The following UNC79 variants were observed in gnomAD, a reference collection of about 807,000 sequenced individuals.
UNC79 encodes the protein protein unc-79 homolog.
UNC79 carries 37 observed loss-of-function variants against 283.1 expected under a neutral mutation model. The observed-to-expected ratio is 0.13, with a 90% CI of 0.10 to 0.17. The LOEUF is 0.17. UNC79 is among the 10% of genes least tolerant of loss of function. The pLI, the probability that UNC79 is intolerant of heterozygous loss-of-function variation, is 1.00. For synonymous variants in UNC79, 1,107 were observed against 1,200.2 expected, an observed-to-expected ratio of 0.92 and a Z score of 1.61; for missense variants, 2,272 against 3,211.1, an observed-to-expected ratio of 0.71 and a Z score of 7.07.
intron 1 of UNC79, among the ~76,000 whole-genome samples, chr14:93,422,680 G>T (rs2055625688): frequency 6.6e-6 from 1 of 152,066 alleles, no homozygotes; most frequent in Admixed American, 6.6e-5. Flanking sequence ...AACATGAATG[G>T]ATAAGTAAAT....
intron 35 of UNC79, among the ~76,000 whole-genome samples, chr14:93,651,731 T>C (rs1192569311): frequency 6.6e-6 from 1 of 151,936 alleles, no homozygotes; most frequent in Non-Finnish European, 1.5e-5. Context: ...CTGATCTTTA[T>C]GCCTTTTGTT....
chr14:93,583,702 CA>C (rs1264128728), intron 20 of UNC79, among the ~76,000 whole-genome samples: 3 of 152,034 alleles, frequency 2.0e-5, no homozygotes, highest in Non-Finnish European at 4.4e-5. Flanking sequence ...TCAATTGGGG[CA>C]ACCCCTGGGG....
At chr14:93,640,733 A>G (rs778754667) in intron 32 of UNC79, among the ~76,000 whole-genome samples, 24 of 152,226 alleles carry the variant, frequency 1.6e-4, no homozygotes, top group Non-Finnish European at 2.8e-4. Flanking sequence ...CAAAACTGTA[A>G]TGTTGATATG....
intron 42 of UNC79, among the ~76,000 whole-genome samples, chr14:93,683,857 A>AAC (rs546504550): frequency 0.012 from 1,816 of 151,914 alleles, 34 homozygotes; most frequent in African/African-American, 0.042. Flanking sequence ...AAAAAAAAAA[A>AAC]ACACACACTT....
chr14:93,588,019 T>C (rs984603754), intron 22 of UNC79, among the ~76,000 whole-genome samples: 54 of 152,120 alleles, frequency 3.5e-4, no homozygotes, highest in African/African-American at 1.3e-3. Context: ...GATAGCAGAG[T>C]TGGAAAGAAG....
At chr14:93,448,585 G>T (rs1254936270) in intron 1 of UNC79, among the ~76,000 whole-genome samples, 1 of 152,128 alleles carries the variant, frequency 6.6e-6, no homozygotes, top group Admixed American at 6.6e-5. Flanking sequence ...ATTTTGAGTT[G>T]TATCCTGGAT....
intron 4 of UNC79, among the ~76,000 whole-genome samples, chr14:93,479,108 G>T (rs2057965835): frequency 6.6e-6 from 1 of 152,002 alleles, no homozygotes; most frequent in African/African-American, 2.4e-5. Context: ...TAAAATAAGT[G>T]ATGTTAACTG....
intron 1 of UNC79, among the ~76,000 whole-genome samples, chr14:93,340,464 A>G (rs1335567761): frequency 7.8e-6 from 1 of 128,960 alleles, no homozygotes; most frequent in Non-Finnish European, 1.7e-5. Context: ...AAAAAAAAAA[A>G]GAAGGCCACC....
chr14:93,609,322 G>A (rs527571272), intron 26 of UNC79, among the ~76,000 whole-genome samples: 27 of 152,262 alleles, frequency 1.8e-4, no homozygotes, highest in East Asian at 5.8e-4. Context: ...TTGTAAGAAC[G>A]TTGACCATTT....
intron 7 of UNC79, among the ~76,000 whole-genome samples, chr14:93,519,061 CA>C (rs1199856291): frequency 2.6e-5 from 4 of 151,818 alleles, no homozygotes; most frequent in African/African-American, 9.7e-5. Flanking sequence ...AGAGTGTTTT[CA>C]AGTCTTATAT....
intron 48 of UNC79, 99 bp from the exon 52 acceptor site, chr14:93,706,605 C>T (rs1297743303): frequency 7.2e-7 from 1 of 1,390,198 alleles, no homozygotes. Flanking sequence ...AACCCTTGAG[C>T]CAAGCCTAAA....
rs151216435 is a variant in UNC79 at position 93,673,322 on chromosome 14, C to G, written c.6637-29C>G. 2.7e-4 allele frequency: 431 copies of G among 1,593,308 alleles called. 6 individuals carry two copies. In the East Asian group the frequency reaches 5.4e-3, roughly 20 times the overall value. ...TACTCTAATTGAATTTCTAAAATCA[C>G]TTACCTCCTTCTGTTTTGTTTTCTT... On this transcript the variant is annotated intron_variant, in intron 40 of 48. Coordinates refer to ENST00000555664, the Ensembl canonical transcript of UNC79.
intron 41 of UNC79, among the ~76,000 whole-genome samples, chr14:93,677,055 C>T (rs79677779): frequency 0.017 from 2,646 of 152,092 alleles, 76 homozygotes; most frequent in African/African-American, 0.061. Context: ...AAATGTTGAG[C>T]GTGGTTTGTT....
At chr14:93,396,458 G>A (rs955882783) in intron 1 of UNC79, among the ~76,000 whole-genome samples, 5 of 151,748 alleles carry the variant, frequency 3.3e-5, no homozygotes, top group Non-Finnish European at 5.9e-5. Context: ...TTTTCCTTAC[G>A]TATGGCCCAT....
rs1396725093 is a variant in UNC79 at position 93,362,357 on chromosome 14, GT to G, written c.-351+28843del. Among the ~76,000 whole-genome samples the G allele has an allele frequency of 3.3e-5, 5 of 151,002 alleles. No individual in the cohort carries two copies. The South Asian group carries it at 8.4e-4, about 25-fold the overall frequency. ...GGTAGGTTTTTTATTACTGATTAAGGTTTTTTTTTGAAACAGAGTCTCATTC... is the reference window on the plus strand; with the variant it reads ...GGTAGGTTTTTTATTACTGATTAAGGTTTTTTTTGAAACAGAGTCTCATTC... On this transcript the variant is annotated intron_variant, in intron 1 of 49. Transcript: ENST00000256339.
chr14:93,476,422 G>A lies in UNC79; in HGVS notation c.449-1136G>A, dbSNP rs55688809. Among the ~76,000 whole-genome samples the A allele has an allele frequency of 3.0e-3, 454 of 152,270 alleles. 1 individual carries two copies. The highest frequency in any genetic ancestry group is 0.01 in the African/African-American group (436 of 41,566). Reference sequence around the variant, plus strand: ...GGAGCTGAGGTGTCTTGTATGCACAGCTTCGGTTAATTCTTAGTAAAACAC... The same window carrying A: ...GGAGCTGAGGTGTCTTGTATGCACAACTTCGGTTAATTCTTAGTAAAACAC... On this transcript the variant is annotated intron_variant, in intron 3 of 48. Transcript: ENST00000555664.
At chr14:93,503,213 C>A (rs754837273) in intron 7 of UNC79, among the ~76,000 whole-genome samples, 3 of 152,054 alleles carry the variant, frequency 2.0e-5, no homozygotes, top group Non-Finnish European at 4.4e-5. Flanking sequence ...GTGATTTGTT[C>A]ATGGTGTTGA....
At chr14:93,487,640 A>G in intron 4 of UNC79, 23 bp from the exon 5 acceptor site, 1 of 1,608,286 alleles carries the variant, frequency 6.2e-7, no homozygotes, top group Non-Finnish European at 8.5e-7. Context: ...AATTGTGTCT[A>G]ATCAAAGAAC....
At chr14:93,408,238 G>A (rs145085394) in intron 1 of UNC79, among the ~76,000 whole-genome samples, 13 of 152,256 alleles carry the variant, frequency 8.5e-5, no homozygotes, top group African/African-American at 2.9e-4. Flanking sequence ...AAGAACACAC[G>A]AGTAATATAA....
Sources: allele counts gnomAD v4.1 joint callset (sites outside exome capture counted in the v4.1 genomes callset), GRCh38; gene constraint gnomAD v4.1.1; transcripts MANE v1.5; gene names NCBI Gene and HGNC (gene_info 2026-07-23, HGNC 2026-07-21).